The following MYO7A variants were observed in gnomAD, a reference collection of about 807,000 sequenced individuals.
The protein encoded by MYO7A is unconventional myosin-VIIa.
MYO7A carries 210 observed loss-of-function variants against 263.8 expected under a neutral mutation model. That is an observed-to-expected ratio of 0.80 (90% CI 0.71 to 0.89). The LOEUF is 0.89. Ranked by LOEUF, MYO7A falls within the 40% of genes least tolerant of loss-of-function variation. The probability of loss-of-function intolerance (pLI) is 0.00; values close to 1 mark genes in which losing one functional copy is unlikely to be tolerated. For missense variants in MYO7A, 2,820 were observed against 2,968.3 expected, an observed-to-expected ratio of 0.95 and a Z score of 1.16; for synonymous variants, 1,239 against 1,197.3, an observed-to-expected ratio of 1.03 and a Z score of -0.72.
intron 39 of MYO7A, 130 bp from the exon 40 acceptor site, chr11:77,205,332 A>G: frequency 9.1e-7 from 1 of 1,102,634 alleles, no homozygotes; most frequent in Non-Finnish European, 1.3e-6. Flanking sequence ...GAGATAGGGT[A>G]AAGGTCAGGA....
chr11:77,211,849 C>T lies in MYO7A; in HGVS notation c.6266C>T (p.Ala2089Val). 2 of 1,613,974 alleles carry T rather than the reference C, an allele frequency of 1.2e-6. No individual in the cohort carries two copies. The highest frequency in any genetic ancestry group is 1.7e-6 in the Non-Finnish European group (2 of 1,179,852). ...RSIVAYFNKH[A>V]GKSKEEAKLA... is the part of the protein sequence containing the mutation. ...ATCGTCGCCTACTTCAACAAGCACG[C>T]AGGGAAGTCCAAGGAGGAGGCCAAG... The change falls in exon 46 of 49, where the codon GCA becomes GTA. Residue 2089 changes from alanine to valine, a missense_variant. Physicochemically the swap from Ala to Val is moderately conservative, Grantham distance 64 (BLOSUM62 0). Coordinates refer to ENST00000409709, the MANE Select transcript of MYO7A (RefSeq NM_000260.4).
intron 18 of MYO7A, among the ~76,000 whole-genome samples, chr11:77,175,824 C>T (rs1555079761): frequency 6.6e-6 from 1 of 152,204 alleles, no homozygotes; most frequent in Non-Finnish European, 1.5e-5. Flanking sequence ...TGTGGGGTCT[C>T]TTGAGTGTAT....
chr11:77,169,455 T>A (rs2135378790), intron 15 of MYO7A, among the ~76,000 whole-genome samples: 1 of 152,344 alleles, frequency 6.6e-6, no homozygotes, highest in Non-Finnish European at 1.5e-5. Context: ...TGCCTGAGAC[T>A]TCCCAGCCCC....
Position 77,199,811 on chromosome 11 carries a change from C to A in MYO7A, c.4845C>A (p.Pro1615=), listed in dbSNP as rs61900036. 1.6e-3 allele frequency: 2,607 copies of A among 1,588,208 alleles called. 4 individuals are homozygous for A. Among genetic ancestry groups the A allele is most frequent in the Non-Finnish European group, 2.0e-3 (2,284 of 1,161,630 alleles). Residue 1615 remains proline (P), a synonymous_variant, in exon 35 of 49, where the codon CCC becomes CCA. Transcript: ENST00000409709. ...SKYVVALQDN[P]NPAGEESGFL... Reference sequence around the variant, plus strand: ...ATGTTGTGGCCCTGCAGGATAACCCCAACCCCGGTGAGTGGCTGCTGGTAT... The same window carrying A: ...ATGTTGTGGCCCTGCAGGATAACCCAAACCCCGGTGAGTGGCTGCTGGTAT...
At position 77,202,344 on chromosome 11, in the gene MYO7A, G is replaced by T. The variant is rs886048680; in HGVS notation, c.5088G>T (p.Arg1696=). The T allele has an allele frequency of 1.3e-5, 20 of 1,578,542 alleles. No homozygotes were observed. Among genetic ancestry groups the T allele is most frequent in the Middle Eastern group, 1.7e-4 (1 of 6,048 alleles). Residue 1696 remains arginine, a synonymous_variant, in exon 37 of 49, where the codon CGG becomes CGT. Transcript: ENST00000409709. The stretch of plus-strand genomic sequence containing the variant: ...CCGATCAGAGGCAGGACGTTGTCCG[G>T]CTCTTGCAGCTGCGAACGGCGGAGC... ...MTPDQRQDVV[R]LLQLRTAEPE...
At position 77,211,857 on chromosome 11, in the gene MYO7A, T is replaced by C; in HGVS notation, c.6274T>C (p.Ser2092Pro). 6.2e-7 allele frequency: 1 copy of C among 1,613,938 alleles called. No individual in the cohort carries two copies. Among genetic ancestry groups the C allele is most frequent in the Non-Finnish European group, 8.5e-7 (1 of 1,179,874 alleles). ...CTACTTCAACAAGCACGCAGGGAAGTCCAAGGAGGAGGCCAAGCTGGCCTT... is the reference window on the plus strand; with the variant it reads ...CTACTTCAACAAGCACGCAGGGAAGCCCAAGGAGGAGGCCAAGCTGGCCTT... ...VAYFNKHAGK[S>P]KEEAKLAFLK... The change falls in exon 46 of 49, where the codon TCC (serine) becomes CCC (proline). Residue 2092 changes from serine to proline, a missense_variant. Physicochemically the swap from Ser to Pro is moderately conservative, Grantham distance 74. Transcript: ENST00000409709.
intron 4 of MYO7A, among the ~76,000 whole-genome samples, chr11:77,149,590 G>C (rs1239317801): frequency 2.6e-5 from 4 of 152,118 alleles, no homozygotes; most frequent in Non-Finnish European, 5.9e-5. Context: ...CAGGGCCAGG[G>C]GTCCAGTCCC....
At chr11:77,139,571 G>A (rs1256498819) in intron 2 of MYO7A, 8 of 152,164 alleles carry the variant, frequency 5.3e-5, no homozygotes, top group Non-Finnish European at 1.0e-4. Flanking sequence ...TGGGGTGCCT[G>A]GGGCTAGCCA....
At chr11:77,173,033 C>T (rs1954274057) in intron 16 of MYO7A, 148 bp downstream of exon 16, 2 of 1,246,270 alleles carry the variant, frequency 1.6e-6, no homozygotes, top group South Asian at 1.6e-5. Flanking sequence ...AAAACAAGGC[C>T]CCCTATTTAT....
At chr11:77,203,573 A>G (rs533633151) in intron 38 of MYO7A, among the ~76,000 whole-genome samples, 1 of 152,276 alleles carries the variant, frequency 6.6e-6, no homozygotes, top group South Asian at 2.1e-4. Context: ...GGGGGCAGAG[A>G]GGACTTCCTG....
At chr11:77,135,498 T>C (rs1197202994) in intron 2 of MYO7A, among the ~76,000 whole-genome samples, 1 of 152,226 alleles carries the variant, frequency 6.6e-6, no homozygotes, top group Non-Finnish European at 1.5e-5. Flanking sequence ...TGCTTCCATG[T>C]TTTAGCTATT....
rs199741668 is a variant in MYO7A, at chr11:77,157,050, C to T, written c.735+46C>T. On this transcript the variant is annotated intron_variant, in intron 7 of 48. Coordinates refer to ENST00000409709, the MANE Select transcript of MYO7A (RefSeq NM_000260.4). ...TGCAGGAATAGACCCAGGCCCCTGGCCTCAGGGGTCTGCGTGGCCCACCTG... is the reference window on the plus strand; with the variant it reads ...TGCAGGAATAGACCCAGGCCCCTGGTCTCAGGGGTCTGCGTGGCCCACCTG... 4,664 of 1,592,604 alleles carry T rather than the reference C, an allele frequency of 2.9e-3. 15 individuals are homozygous for T. Among genetic ancestry groups the T allele is most frequent in the Non-Finnish European group, 3.8e-3 (4,416 of 1,169,646 alleles).
At position 77,199,705 on chromosome 11, in the gene MYO7A, A is replaced by G. The variant is rs370232066; in HGVS notation, c.4739A>G (p.Tyr1580Cys). The G allele has an allele frequency of 2.7e-4, 428 of 1,613,572 alleles. No homozygotes were observed. Among genetic ancestry groups the G allele is most frequent in the Non-Finnish European group, 3.5e-4 (417 of 1,179,848 alleles). ...CTGGCCACCATCAAGGGGGACGAAT[A>G]CACCTTCACCTCCAGCAATGCTGAG... ...FTLATIKGDE[Y>C]TFTSSNAEDI... Residue 1580 changes from tyrosine to cysteine, a missense_variant, in exon 35 of 49, where the codon TAC becomes TGC. Tyr to Cys is a radical substitution (Grantham distance 194). Transcript: ENST00000409709.
Position 77,182,054 on chromosome 11 carries a change from A to G in MYO7A, c.3008A>G (p.Lys1003Arg). ...GACCTCTCTGAGTATAAATTTGCCAAGTTCGCGGCCACCTACTTCCAGGGG... is the reference window on the plus strand; with the variant it reads ...GACCTCTCTGAGTATAAATTTGCCAGGTTCGCGGCCACCTACTTCCAGGGG... ...EEDLSEYKFA[K>R]FAATYFQGTT... The change falls in exon 24 of 49, where the codon AAG becomes AGG. Residue 1003 changes from lysine to arginine, a missense_variant. Lys to Arg is a conservative substitution (Grantham distance 26, BLOSUM62 2). Coordinates refer to ENST00000409709, the MANE Select transcript of MYO7A (RefSeq NM_000260.4). 1 of 1,613,426 alleles carries G rather than the reference A, an allele frequency of 6.2e-7. No individual in the cohort carries two copies. Among genetic ancestry groups the G allele is most frequent in the Non-Finnish European group, 8.5e-7 (1 of 1,179,834 alleles).
chr11:77,185,945 C>CAGA (rs1555088215), intron 27 of MYO7A, among the ~76,000 whole-genome samples: 3 of 138,536 alleles, frequency 2.2e-5, no homozygotes, highest in Non-Finnish European at 4.6e-5. Context: ...TTTTTGGAGA[C>CAGA]AGAGTCTCAC....
At chr11:77,149,441 G>T (rs1251421606) in intron 4 of MYO7A, among the ~76,000 whole-genome samples, 2 of 152,226 alleles carry the variant, frequency 1.3e-5, no homozygotes, top group Non-Finnish European at 2.9e-5. Context: ...AAATGCTGGA[G>T]GTAGGGCCAT....
At chr11:77,166,235 G>A (rs1555072518) in intron 15 of MYO7A, 73 bp downstream of exon 15, 1 of 1,309,642 alleles carries the variant, frequency 7.6e-7, no homozygotes, top group African/African-American at 1.5e-5. Flanking sequence ...CCCTGCCCTT[G>A]TCCAACAGCT....
rs535098855 is a variant in MYO7A, at chr11:77,159,395, C to T, written c.1004-52C>T. 1.9e-5 allele frequency: 26 copies of T among 1,344,790 alleles called. No homozygotes were observed. In the East Asian group the frequency reaches 5.7e-4, roughly 29 times the overall value. 83.3% of individuals were successfully genotyped at this position (1,344,790 alleles called of 1,614,324 possible). A position where few individuals can be genotyped will look rare whatever the true frequency, so the allele number is the denominator to read the frequency against. ...TAGTCCTCTTAGGACTGTCCCCTTG[C>T]CCCTGTTGCCCACCCTCCCTCCCCT... On this transcript the variant is annotated intron_variant, in intron 9 of 48. Coordinates refer to ENST00000409709, the MANE Select transcript of MYO7A (RefSeq NM_000260.4).
rs1166818362 is a variant in MYO7A at position 77,194,473 on chromosome 11, C to A, written c.4272C>A (p.Pro1424=). ...PTYIPDREIT[P]LKTLEKWAQL... ...ACATCCCCGACCGCGAGATCACGCC[C>A]CTGAAGACGCTGGAGAAGTGGGCCC... is the stretch of plus-strand genomic sequence containing the variant. The change falls in exon 32 of 49, where the codon CCC becomes CCA. Residue 1424 remains proline, a synonymous_variant. Coordinates refer to ENST00000409709, the MANE Select transcript of MYO7A (RefSeq NM_000260.4). 4 of 1,608,964 alleles carry A rather than the reference C, an allele frequency of 2.5e-6. No homozygotes were observed. The African/African-American group carries it at 5.3e-5, about 22-fold the overall frequency.
Sources: allele counts gnomAD v4.1 joint callset (sites outside exome capture counted in the v4.1 genomes callset), GRCh38; gene constraint gnomAD v4.1.1; transcripts MANE v1.5; gene names NCBI Gene and HGNC (gene_info 2026-07-23, HGNC 2026-07-21).